Variants in EPB41L4A observed in about 807,000 individuals in gnomAD.
EPB41L4A encodes erythrocyte membrane protein band 4.1 like 4A, also known as band 4.1-like protein 4A.
Under a neutral mutation model 108.6 loss-of-function variants are expected in EPB41L4A, and 100 were observed. The observed-to-expected ratio is 0.92, with a 90% CI of 0.78 to 1.09. The LOEUF (loss-of-function observed/expected upper bound fraction) is 1.09. Ranked by LOEUF, EPB41L4A falls within the 50% of genes least tolerant of loss-of-function variation. The pLI, the probability that EPB41L4A is intolerant of heterozygous loss-of-function variation, is 0.00. For synonymous variants in EPB41L4A, 319 were observed against 289.0 expected, an observed-to-expected ratio of 1.10 and a Z score of -1.05; for missense variants, 1,030 against 842.7, an observed-to-expected ratio of 1.22 and a Z score of -2.75.
At chr5:112,218,043 C>T (rs546592186) in intron 12 of EPB41L4A, among the ~76,000 whole-genome samples, 4 of 152,204 alleles carry the variant, frequency 2.6e-5, no homozygotes, top group East Asian at 1.9e-4. Context: ...TCTGCCCTTC[C>T]CCCAGTGCTA....
chr5:112,388,372 C>G (rs1199805188), intron 1 of EPB41L4A, among the ~76,000 whole-genome samples: 2 of 152,164 alleles, frequency 1.3e-5, no homozygotes, highest in Non-Finnish European at 2.9e-5. Context: ...ACCCACCTGG[C>G]CCAGGTCACT....
At chr5:112,358,457 C>A (rs1002090271) in intron 1 of EPB41L4A, among the ~76,000 whole-genome samples, 2 of 152,176 alleles carry the variant, frequency 1.3e-5, no homozygotes. Flanking sequence ...GATCCTGATA[C>A]GTACCCATGG....
At position 112,217,198 on chromosome 5, in the gene EPB41L4A, C is replaced by A. The variant is rs574497713; in HGVS notation, c.1088-7216G>T. Among the ~76,000 whole-genome samples the A allele has an allele frequency of 2.6e-5, 4 of 152,252 alleles. No individual in the cohort carries two copies. In the South Asian group the frequency reaches 8.3e-4, roughly 32 times the overall value. On this transcript the variant is annotated intron_variant, in intron 12 of 22. Coordinates refer to ENST00000261486, the MANE Select transcript of EPB41L4A (RefSeq NM_022140.5). Reference sequence around the variant, plus strand: ...ACCTCAGGTGATCCACCTGCCTCAGCCTCCCAAAATGCTAGAATTACAGGC... The same window carrying A: ...ACCTCAGGTGATCCACCTGCCTCAGACTCCCAAAATGCTAGAATTACAGGC...
chr5:112,263,299 G>A (rs1370880122), intron 6 of EPB41L4A: 1 of 152,100 alleles, frequency 6.6e-6, no homozygotes, highest in African/African-American at 2.4e-5. Context: ...AACCAAAGGA[G>A]GTCAAATCTC....
At chr5:112,232,564 A>C (rs938439532) in intron 12 of EPB41L4A, among the ~76,000 whole-genome samples, 3 of 152,238 alleles carry the variant, frequency 2.0e-5, no homozygotes, top group Admixed American at 1.3e-4. Context: ...CTTTAGAAGC[A>C]GTAAGTCAGG....
intron 7 of EPB41L4A, among the ~76,000 whole-genome samples, chr5:112,260,769 TTG>T (rs1168610471): frequency 1.3e-5 from 2 of 152,204 alleles, no homozygotes; most frequent in Non-Finnish European, 2.9e-5. Context: ...ACAGCACTGT[TTG>T]TGAGAATGTT....
At chr5:112,419,317 GCT>G (rs1212140690), upstream of EPB41L4A, 25 of 352,428 alleles carry the variant, frequency 7.1e-5, no homozygotes, top group Non-Finnish European at 1.5e-5. Flanking sequence ...GCATCCTGCG[GCT>G]CGAGCTCCTC....
chr5:112,364,705 A>C (rs1250240841), intron 1 of EPB41L4A, among the ~76,000 whole-genome samples: 7 of 152,252 alleles, frequency 4.6e-5, no homozygotes, highest in Admixed American at 4.6e-4. Context: ...CTAACAAAAC[A>C]TCTAAAAACT....
chr5:112,208,927 A>G (rs1762596677), intron 13 of EPB41L4A, among the ~76,000 whole-genome samples: 1 of 152,216 alleles, frequency 6.6e-6, no homozygotes, highest in Non-Finnish European at 1.5e-5. Flanking sequence ...AAGTTATGCA[A>G]TGATAAAGAA....
chr5:112,159,477 G>A (rs965534427), downstream of EPB41L4A, among the ~76,000 whole-genome samples: 11 of 152,204 alleles, frequency 7.2e-5, no homozygotes, highest in African/African-American at 2.7e-4. Context: ...CTTAATTTTT[G>A]TGGTGATAAT....
intron 1 of EPB41L4A, among the ~76,000 whole-genome samples, chr5:112,309,297 A>C (rs919010017): frequency 1.3e-5 from 2 of 152,182 alleles, no homozygotes; most frequent in Admixed American, 6.5e-5. Flanking sequence ...TATGTAGTTT[A>C]ATTTGTTTGA....
chr5:112,367,874 C>G (rs950906246), intron 1 of EPB41L4A, among the ~76,000 whole-genome samples: 2 of 152,182 alleles, frequency 1.3e-5, no homozygotes, highest in African/African-American at 4.8e-5. Flanking sequence ...GAATTGCCTG[C>G]TCCACGAAAT....
chr5:112,339,488 A>AGC (rs755903596), intron 1 of EPB41L4A, among the ~76,000 whole-genome samples: 14,273 of 51,806 alleles, frequency 0.28, 958 homozygotes, highest in Non-Finnish European at 0.36. Flanking sequence ...ATATATATAT[A>AGC]TATATATCTA....
chr5:112,302,216 A>C (rs1488710898), intron 2 of EPB41L4A, among the ~76,000 whole-genome samples: 1 of 152,116 alleles, frequency 6.6e-6, no homozygotes, highest in African/African-American at 2.4e-5. Context: ...TTTTTAAAAA[A>C]ATTCATAGAC....
chr5:112,242,650 CTTTG>C (rs1749878887), intron 9 of EPB41L4A, among the ~76,000 whole-genome samples: 5 of 152,222 alleles, frequency 3.3e-5, no homozygotes, highest in Admixed American at 2.6e-4. Context: ...AAGTTTTTCA[CTTTG>C]TTTGTCCAGA....
chr5:112,208,315 TAGAATC>T (rs1679119579), intron 13 of EPB41L4A, among the ~76,000 whole-genome samples: 1 of 144,196 alleles, frequency 6.9e-6, no homozygotes, highest in Non-Finnish European at 1.5e-5. Flanking sequence ...AGCAAGGACA[TAGAATC>T]AGCCTAGATG....
chr5:112,248,816 T>C (rs186349544), intron 9 of EPB41L4A, among the ~76,000 whole-genome samples: 1 of 152,174 alleles, frequency 6.6e-6, no homozygotes, highest in Non-Finnish European at 1.5e-5. Flanking sequence ...CACACCCACT[T>C]TTTCTGCCTG....
rs751356131 is a variant in EPB41L4A at position 112,164,943 on chromosome 5, G to A, written c.*47C>T. On this transcript the variant is annotated 3_prime_UTR_variant, in exon 23 of 23. Transcript: ENST00000261486. Reference sequence around the variant, plus strand: ...CTATTTCACAGTTTCAAAAGTACCAGTGGCGCACACAACCTTCCCACCCCT... The same window carrying A: ...CTATTTCACAGTTTCAAAAGTACCAATGGCGCACACAACCTTCCCACCCCT... 3.9e-6 allele frequency: 6 copies of A among 1,524,148 alleles called. No homozygotes were observed. In the East Asian group the frequency reaches 7.2e-5, roughly 18 times the overall value. 94.4% of individuals were successfully genotyped at this position (1,524,148 alleles called of 1,614,324 possible).
chr5:112,290,997 T>C (rs1000735961), intron 2 of EPB41L4A, among the ~76,000 whole-genome samples: 3 of 152,180 alleles, frequency 2.0e-5, no homozygotes, highest in Non-Finnish European at 4.4e-5. Flanking sequence ...TTTGGTCTCA[T>C]GACTTTAAAA....
Sources: allele counts gnomAD v4.1 joint callset (sites outside exome capture counted in the v4.1 genomes callset), GRCh38; gene constraint gnomAD v4.1.1; transcripts MANE v1.5; gene names NCBI Gene and HGNC (gene_info 2026-07-23, HGNC 2026-07-21).